MCTP1: variants seen among roughly 807,000 people sequenced by gnomAD.
MCTP1 encodes the protein multiple C2 and transmembrane domain-containing protein 1.
MCTP1 carries 69 observed loss-of-function variants against 120.6 expected under a neutral mutation model. The ratio of observed to expected loss-of-function variants is 0.57; its 90% CI spans 0.47 to 0.70. The LOEUF (loss-of-function observed/expected upper bound fraction) is 0.70, where lower values mean the gene tolerates loss of function less well. Among genes scored for constraint, MCTP1 ranks in the 30% least tolerant of loss-of-function variants. The pLI is 0.00. For missense variants in MCTP1, 1,203 were observed against 1,248.8 expected (o/e 0.96, Z 0.55); for synonymous variants, 529 against 493.1 (o/e 1.07, Z -0.96).
chr5:95,171,941 A>G (rs994883040), intron 1 of MCTP1, among the ~76,000 whole-genome samples: 13 of 152,042 alleles, frequency 8.6e-5, no homozygotes, highest in African/African-American at 3.1e-4. Flanking sequence ...AGCTTGTTCC[A>G]TTGCTGGAGA....
At chr5:95,005,103 A>G (rs145749214) in intron 2 of MCTP1, among the ~76,000 whole-genome samples, 1,855 of 152,308 alleles carry the variant, frequency 0.012, 16 homozygotes, top group Middle Eastern at 0.065. Flanking sequence ...CATGGTGTCA[A>G]AGGAGATCAT....
chr5:94,833,876 G>T (rs1207001691), intron 17 of MCTP1, among the ~76,000 whole-genome samples: 1 of 152,174 alleles, frequency 6.6e-6, no homozygotes, highest in Non-Finnish European at 1.5e-5. Flanking sequence ...AAAAAAAATA[G>T]ATTTATCAAG....
At chr5:95,274,626 C>CTTTTTTTTTT (rs112973746) in intron 1 of MCTP1, among the ~76,000 whole-genome samples, 2 of 149,554 alleles carry the variant, frequency 1.3e-5, no homozygotes, top group Non-Finnish European at 3.0e-5. Flanking sequence ...TTACTGCTTT[C>CTTTTTTTTTT]TTTTTTTCTT....
chr5:94,951,737 T>A (rs1477670484), intron 3 of MCTP1, among the ~76,000 whole-genome samples: 1 of 152,196 alleles, frequency 6.6e-6, no homozygotes, highest in Non-Finnish European at 1.5e-5. Context: ...GGATATTTCT[T>A]TCTCTCTAGA....
intron 1 of MCTP1, among the ~76,000 whole-genome samples, chr5:95,061,466 C>T (rs1409689515): frequency 8.6e-5 from 5 of 58,454 alleles, no homozygotes; most frequent in Admixed American, 2.1e-4. Flanking sequence ...GACGGAGTCT[C>T]GCTCTGTCTC....
chr5:94,777,953 T>TGTGC (rs1158868529), intron 19 of MCTP1, among the ~76,000 whole-genome samples: 2 of 151,422 alleles, frequency 1.3e-5, no homozygotes, highest in Non-Finnish European at 3.0e-5. Flanking sequence ...TGTGTGTGTG[T>TGTGC]GTGTTTCTGT....
intron 17 of MCTP1, among the ~76,000 whole-genome samples, chr5:94,854,025 A>G (rs1794267582): frequency 6.6e-6 from 1 of 151,778 alleles, no homozygotes; most frequent in South Asian, 2.1e-4. Flanking sequence ...ACATGCCCAG[A>G]CAGGTGTCTG....
At chr5:95,274,119 C>G (rs1759622514) in intron 1 of MCTP1, among the ~76,000 whole-genome samples, 1 of 152,204 alleles carries the variant, frequency 6.6e-6, no homozygotes, top group Non-Finnish European at 1.5e-5. Context: ...TATCTGGCCA[C>G]ACCTTCACTC....
intron 18 of MCTP1, chr5:94,792,749 AAC>A (rs1488962968): frequency 2.0e-5 from 3 of 152,486 alleles, no homozygotes. Context: ...ATGAAGCTGA[AAC>A]TATGGTTTAA....
At chr5:94,710,128 G>A (rs1417489187) in intron 21 of MCTP1, 1 of 152,012 alleles carries the variant, frequency 6.6e-6, no homozygotes, top group African/African-American at 2.4e-5. Flanking sequence ...CCTAGAGACT[G>A]AAAATTGTTT....
intron 1 of MCTP1, among the ~76,000 whole-genome samples, chr5:95,123,792 G>GGCGCCCGCCACT (rs1424453452): frequency 6.6e-6 from 1 of 152,024 alleles, no homozygotes; most frequent in East Asian, 1.9e-4. Flanking sequence ...TGGGACTACA[G>GGCGCCCGCCACT]GCGCCCGCCA....
At chr5:94,780,933 T>C (rs1306697575) in intron 18 of MCTP1, among the ~76,000 whole-genome samples, 1 of 152,034 alleles carries the variant, frequency 6.6e-6, no homozygotes. Context: ...ACAAAGACAA[T>C]AGTGACAATA....
At chr5:94,823,891 T>G (rs1319444780) in intron 17 of MCTP1, among the ~76,000 whole-genome samples, 1 of 152,226 alleles carries the variant, frequency 6.6e-6, no homozygotes, top group Admixed American at 6.5e-5. Flanking sequence ...TGCACATTGA[T>G]TTTTTATCCT....
intron 19 of MCTP1, among the ~76,000 whole-genome samples, chr5:94,758,243 AAAT>A (rs1770430081): frequency 6.6e-6 from 1 of 152,128 alleles, no homozygotes; most frequent in Admixed American, 6.5e-5. Context: ...TGAATTGAAT[AAAT>A]AATTCATATT....
At chr5:95,025,119 C>T (rs995635677) in intron 1 of MCTP1, among the ~76,000 whole-genome samples, 5 of 152,084 alleles carry the variant, frequency 3.3e-5, no homozygotes, top group Non-Finnish European at 5.9e-5. Flanking sequence ...AAGCCATCTT[C>T]AGTGAAAAGA....
chr5:95,032,519 T>A (rs1840493082), intron 1 of MCTP1, among the ~76,000 whole-genome samples: 1 of 151,768 alleles, frequency 6.6e-6, no homozygotes, highest in Non-Finnish European at 1.5e-5. Context: ...AAGATGGAAA[T>A]AAAAAAAATT....
At chr5:95,200,190 C>G (rs1038854408) in intron 1 of MCTP1, among the ~76,000 whole-genome samples, 2 of 150,300 alleles carry the variant, frequency 1.3e-5, no homozygotes, top group Non-Finnish European at 3.0e-5. Context: ...GAGAAAAAGA[C>G]AAAAGATAAA....
intron 19 of MCTP1, among the ~76,000 whole-genome samples, chr5:94,755,325 T>C (rs549269907): frequency 9.2e-5 from 14 of 152,162 alleles, no homozygotes; most frequent in Non-Finnish European, 1.9e-4. Context: ...CCTTCCCCAC[T>C]GATTCCTTTT....
chr5:94,708,246 T>TC, intron 22 of MCTP1: 1 of 256,434 alleles, frequency 3.9e-6, no homozygotes, highest in East Asian at 7.3e-5. Context: ...TGTCACAAAC[T>TC]CCAGCTGAAC....
Sources: allele counts gnomAD v4.1 joint callset (sites outside exome capture counted in the v4.1 genomes callset), GRCh38; gene constraint gnomAD v4.1.1; transcripts MANE v1.5; gene names NCBI Gene and HGNC (gene_info 2026-07-23, HGNC 2026-07-21).